Variants in ASIC2 observed in about 807,000 individuals in gnomAD.
The protein encoded by ASIC2 is acid sensing ion channel subunit 2, also known as acid-sensing ion channel 2.
ASIC2 carries 25 observed loss-of-function variants against 57.3 expected under a neutral mutation model. That is an observed-to-expected ratio of 0.44 (90% CI 0.32 to 0.61). ASIC2 has a LOEUF of 0.61. Ranked by LOEUF, ASIC2 falls within the 20% of genes least tolerant of loss-of-function variation. The pLI is 0.06. For synonymous variants in ASIC2, 319 were observed against 307.5 expected, an observed-to-expected ratio of 1.04 and a Z score of -0.39; for missense variants, 641 against 738.1, an observed-to-expected ratio of 0.87 and a Z score of 1.52.
chr17:34,031,301 C>T (rs190142639), intron 1 of ASIC2, among the ~76,000 whole-genome samples: 1 of 152,278 alleles, frequency 6.6e-6, no homozygotes, highest in African/African-American at 2.4e-5. Context: ...AGCTGAGGGT[C>T]CTATCTGTTA....
intron 1 of ASIC2, among the ~76,000 whole-genome samples, chr17:34,081,397 C>A (rs1909877532): frequency 6.6e-6 from 1 of 152,148 alleles, no homozygotes; most frequent in South Asian, 2.1e-4. Context: ...TATTTCTTTG[C>A]CACACTTAGG....
chr17:33,882,239 T>C (rs1292488537), intron 1 of ASIC2, among the ~76,000 whole-genome samples: 5 of 152,086 alleles, frequency 3.3e-5, no homozygotes, highest in South Asian at 2.1e-4. Context: ...GCAATGGCAA[T>C]AAAAGCCAAA....
intron 1 of ASIC2, chr17:33,533,893 A>T (rs1434586): frequency 6.6e-6 from 1 of 152,012 alleles, no homozygotes; most frequent in South Asian, 2.1e-4. Flanking sequence ...GGTCACAAAA[A>T]CTCTCTGCAC....
intron 1 of ASIC2, among the ~76,000 whole-genome samples, chr17:34,068,725 T>C (rs1909270163): frequency 6.6e-6 from 1 of 152,186 alleles, no homozygotes; most frequent in African/African-American, 2.4e-5. Flanking sequence ...ACCTTTAGCG[T>C]TTCAAAATTA....
At chr17:34,121,018 GCGTGAACCAC>G (rs1428531436) in intron 1 of ASIC2, among the ~76,000 whole-genome samples, 2 of 152,080 alleles carry the variant, frequency 1.3e-5, no homozygotes, top group Non-Finnish European at 2.9e-5. Context: ...GGGATTACAG[GCGTGAACCAC>G]CGTGCCTGGC....
intron 1 of ASIC2, among the ~76,000 whole-genome samples, chr17:33,136,241 A>G (rs1322293938): frequency 6.6e-6 from 1 of 152,232 alleles, no homozygotes; most frequent in East Asian, 1.9e-4. Context: ...TTTATTCCAC[A>G]CATATTTACT....
intron 1 of ASIC2, among the ~76,000 whole-genome samples, chr17:33,396,760 G>A (rs1301725651): frequency 1.3e-5 from 2 of 152,150 alleles, no homozygotes; most frequent in African/African-American, 4.8e-5. Context: ...ATATAATCCT[G>A]AAAATATATC....
intron 1 of ASIC2, among the ~76,000 whole-genome samples, chr17:33,883,450 C>A (rs928144508): frequency 1.3e-5 from 2 of 152,120 alleles, no homozygotes. Context: ...AAGATTGAGT[C>A]AAAGCAAATG....
chr17:34,069,556 G>T (rs565451344), intron 1 of ASIC2: 1 of 152,350 alleles, frequency 6.6e-6, no homozygotes, highest in Non-Finnish European at 1.5e-5. Context: ...ACAGCCTCAA[G>T]CTGAGCTACT....
chr17:33,444,618 G>GTGTT (rs956756331), intron 1 of ASIC2, among the ~76,000 whole-genome samples: 3 of 152,232 alleles, frequency 2.0e-5, no homozygotes, highest in African/African-American at 7.2e-5. Context: ...GAGTGGGCAA[G>GTGTT]TGTTAGGGTA....
Position 33,623,302 on chromosome 17 carries a change from C to A in ASIC2, c.556-511235G>T, listed in dbSNP as rs565577423. On this transcript the variant is annotated intron_variant, in intron 1 of 9. Coordinates refer to the ASIC2 transcript ENST00000359872. ...TTTGAGATGGAGTCTCTCTCTGTCA[C>A]CAGGTTGGAGTGCAGTGACGCAATC... 2.6e-4 allele frequency among the ~76,000 whole-genome samples: 39 copies of A among 152,048 alleles called. 1 individual carries two copies. The South Asian group carries it at 8.1e-3, about 32-fold the overall frequency.
At chr17:33,131,849 A>G (rs1325513317) in intron 1 of ASIC2, 1 of 152,214 alleles carries the variant, frequency 6.6e-6, no homozygotes, top group Non-Finnish European at 1.5e-5. Context: ...GTTTTAGAAC[A>G]TAAGTGGTAA....
chr17:34,011,783 G>A (rs997077845), intron 1 of ASIC2, among the ~76,000 whole-genome samples: 3 of 151,940 alleles, frequency 2.0e-5, no homozygotes, highest in Non-Finnish European at 2.9e-5. Flanking sequence ...CCCATGGCTC[G>A]CTCCCTTCTG....
intron 3 of ASIC2, among the ~76,000 whole-genome samples, chr17:33,068,156 G>C (rs2092051785): frequency 6.6e-6 from 1 of 152,130 alleles, no homozygotes; most frequent in Non-Finnish European, 1.5e-5. Context: ...GGGGGTGGAA[G>C]GGTGGAATTA....
chr17:33,305,746 C>T (rs890544691), intron 1 of ASIC2, among the ~76,000 whole-genome samples: 7 of 152,038 alleles, frequency 4.6e-5, no homozygotes, highest in Non-Finnish European at 1.0e-4. Flanking sequence ...GGAATTTCAG[C>T]CAAATGGTTT....
chr17:33,272,376 T>TAAC (rs1904530070), intron 1 of ASIC2, among the ~76,000 whole-genome samples: 1 of 152,218 alleles, frequency 6.6e-6, no homozygotes, highest in Non-Finnish European at 1.5e-5. Flanking sequence ...AGTCCAATGC[T>TAAC]AACAGGAGCT....
At chr17:33,608,058 A>T (rs1241137884) in intron 1 of ASIC2, among the ~76,000 whole-genome samples, 1 of 152,194 alleles carries the variant, frequency 6.6e-6, no homozygotes, top group African/African-American at 2.4e-5. Context: ...AACAGGTGGA[A>T]GTTATAGGAA....
At chr17:34,090,361 T>C (rs1468290327) in intron 1 of ASIC2, among the ~76,000 whole-genome samples, 1 of 151,862 alleles carries the variant, frequency 6.6e-6, no homozygotes, top group Non-Finnish European at 1.5e-5. Flanking sequence ...GGTTACTGAG[T>C]AAGTCAGCTG....
chr17:33,202,167 G>A (rs997346553), intron 1 of ASIC2, among the ~76,000 whole-genome samples: 1 of 152,290 alleles, frequency 6.6e-6, no homozygotes, highest in East Asian at 1.9e-4. Context: ...AGGCTCACCT[G>A]GCCTGCCTGC....
Sources: allele counts gnomAD v4.1 joint callset (sites outside exome capture counted in the v4.1 genomes callset), GRCh38; gene constraint gnomAD v4.1.1; transcripts MANE v1.5; gene names NCBI Gene and HGNC (gene_info 2026-07-23, HGNC 2026-07-21).